The following BSPH1 variants were observed in gnomAD, a reference collection of about 807,000 sequenced individuals.
BSPH1 encodes binder of sperm protein homolog 1, also known as binder of sperm 1.
A neutral mutation model predicts 22.5 loss-of-function variants in BSPH1; 21 were observed. The ratio of observed to expected loss-of-function variants is 0.93; its 90% CI spans 0.66 to 1.35. The LOEUF (loss-of-function observed/expected upper bound fraction) is 1.35. Ranked by LOEUF, BSPH1 falls within the 40% of genes most tolerant of loss-of-function variation. The pLI, the probability that BSPH1 is intolerant of heterozygous loss-of-function variation, is 0.00. For missense variants in BSPH1, 141 were observed against 154.2 expected, an observed-to-expected ratio of 0.91 and a Z score of 0.45; for synonymous variants, 42 against 53.6, an observed-to-expected ratio of 0.78 and a Z score of 0.95.
chr19:47,977,620 A>G (rs1334519480), intron 3 of BSPH1, 116 bp from the exon 4 acceptor site: 1 of 1,467,020 alleles, frequency 6.8e-7, no homozygotes, highest in Non-Finnish European at 9.0e-7. Flanking sequence ...CTGTGGCTGT[A>G]GTAAATGTTA....
intron 1 of BSPH1, among the ~76,000 whole-genome samples, chr19:47,990,118 C>CAAAAAAAAAAAAA (rs11329791): frequency 1.0e-5 from 1 of 99,648 alleles, no homozygotes; most frequent in Non-Finnish European, 2.0e-5. Context: ...GACTCCATCT[C>CAAAAAAAAAAAAA]AAAAAAAAAA....
intron 5 of BSPH1, among the ~76,000 whole-genome samples, chr19:47,973,727 G>C (rs1969333692): frequency 6.6e-6 from 1 of 152,164 alleles, no homozygotes; most frequent in African/African-American, 2.4e-5. Context: ...TACACGCGGG[G>C]AGGGCGCCAT....
chr19:47,974,678 C>T (rs969921203), intron 5 of BSPH1, among the ~76,000 whole-genome samples: 9 of 151,988 alleles, frequency 5.9e-5, no homozygotes, highest in East Asian at 1.9e-4. Context: ...TGCTCTCCCA[C>T]GCTCTCAATT....
intron 5 of BSPH1, among the ~76,000 whole-genome samples, chr19:47,969,697 GAGAGAGAGA>G (rs1969292399): frequency 1.4e-5 from 2 of 146,778 alleles, no homozygotes; most frequent in Admixed American, 1.4e-4. Flanking sequence ...GAGAGAGAGA[GAGAGAGAGA>G]GAGAGAGAGA....
intron 5 of BSPH1, among the ~76,000 whole-genome samples, chr19:47,970,341 G>A (rs1171094594): frequency 1.3e-5 from 2 of 152,208 alleles, no homozygotes; most frequent in Admixed American, 6.5e-5. Flanking sequence ...TCACAGGCAT[G>A]AACGACTGCG....
At position 47,969,922 on chromosome 19, in the gene BSPH1, TGAGA is replaced by T. The variant is rs1034019912; in HGVS notation, c.*3-1717_*3-1714del. Among the ~76,000 whole-genome samples, 7 of 149,976 alleles carry T rather than the reference TGAGA, an allele frequency of 4.7e-5. 1 individual carries two copies. The highest frequency in any genetic ancestry group is 7.5e-5 in the African/African-American group (3 of 39,788). On this transcript the variant is annotated intron_variant, in intron 5 of 5. Transcript: ENST00000344839. ...AGAGAGACTTTAGAATTTATGTTTG[TGAGA>T]GAGAGACTTTAGAATTTATGTTTCT...
chr19:47,989,500 A>T (rs1037238155), intron 1 of BSPH1, among the ~76,000 whole-genome samples: 9 of 151,886 alleles, frequency 5.9e-5, no homozygotes, highest in African/African-American at 1.7e-4. Flanking sequence ...ATGAGGAGGA[A>T]CCATAGCTGA....
intron 1 of BSPH1, among the ~76,000 whole-genome samples, chr19:47,991,782 C>A (rs115140210): frequency 1.0e-5 from 1 of 99,168 alleles, no homozygotes; most frequent in Non-Finnish European, 2.2e-5. Context: ...CCTCCTCCCC[C>A]CTTCTCCCCC....
At chr19:47,991,291 C>T (rs1022204659) in intron 1 of BSPH1, among the ~76,000 whole-genome samples, 2 of 152,062 alleles carry the variant, frequency 1.3e-5, no homozygotes, top group Admixed American at 6.5e-5. Flanking sequence ...CACTCGTGGT[C>T]GACCAGCTGA....
At chr19:47,979,435 A>G in intron 3 of BSPH1, 135 bp downstream of exon 3, 2 of 526,910 alleles carry the variant, frequency 3.8e-6, no homozygotes, top group Non-Finnish European at 6.8e-6. Context: ...TTATCTGTTT[A>G]TGAGGCACTT....
chr19:47,976,396 C>G (rs187429857), intron 5 of BSPH1, among the ~76,000 whole-genome samples: 5 of 152,000 alleles, frequency 3.3e-5, no homozygotes, highest in Admixed American at 3.3e-4. Context: ...CCTCCCAAAG[C>G]GCTGGGATTA....
intron 1 of BSPH1, among the ~76,000 whole-genome samples, chr19:47,989,274 T>C (rs1242880400): frequency 1.3e-5 from 2 of 151,718 alleles, no homozygotes; most frequent in East Asian, 3.9e-4. Flanking sequence ...GCCTCCTGAG[T>C]AGCTGGGATT....
chr19:47,980,098 G>C (rs1186232787), intron 2 of BSPH1, among the ~76,000 whole-genome samples: 1 of 151,986 alleles, frequency 6.6e-6, no homozygotes, highest in Non-Finnish European at 1.5e-5. Flanking sequence ...ACTTATGTTA[G>C]AACCTAAAAT....
chr19:47,983,462 T>C (rs6509354), intron 1 of BSPH1, among the ~76,000 whole-genome samples: 104,049 of 151,998 alleles, frequency 0.68, 36,096 homozygotes, highest in African/African-American at 0.79. Flanking sequence ...TACAGACGAG[T>C]GATTCCAACA....
chr19:47,983,535 A>ATTG (rs1969438811), intron 1 of BSPH1, among the ~76,000 whole-genome samples: 16 of 152,184 alleles, frequency 1.1e-4, no homozygotes, highest in African/African-American at 3.9e-4. Context: ...TCAGAATGCA[A>ATTG]CATCCCCATA....
At chr19:47,986,632 C>A (rs1969473655) in intron 1 of BSPH1, among the ~76,000 whole-genome samples, 1 of 151,962 alleles carries the variant, frequency 6.6e-6, no homozygotes, top group Non-Finnish European at 1.5e-5. Flanking sequence ...GTAGTCCCAG[C>A]TACTTGGGAG....
intron 4 of BSPH1, 52 bp from the exon 5 acceptor site, chr19:47,976,906 C>T: frequency 1.3e-6 from 2 of 1,509,574 alleles, no homozygotes; most frequent in South Asian, 2.4e-5. Flanking sequence ...CTAATTTGCA[C>T]CCACCTCCAC....
intron 1 of BSPH1, 101 bp downstream of exon 1, chr19:47,991,908 T>G (rs956903323): frequency 1.4e-6 from 1 of 707,924 alleles, no homozygotes; most frequent in Non-Finnish European, 2.4e-6. Context: ...CTCCTCTTCT[T>G]TCATCTTTCA....
In BSPH1 at chr19:47,979,562, C is replaced by A. The variant is rs560212743; in HGVS notation, c.124+8G>T. 5.6e-5 allele frequency: 73 copies of A among 1,306,424 alleles called. No individual in the cohort carries two copies. Among genetic ancestry groups the A allele is most frequent in the Non-Finnish European group, 6.4e-5 (62 of 962,452 alleles). The allele number at this position is 1,306,424 out of a possible 1,614,324, so 80.9% of individuals were successfully genotyped here. On this transcript the variant is annotated splice_region_variant and intron_variant, in intron 3 of 5. Transcript: ENST00000344839. ...ACATTAATAATCAAAGTTTTCTGAT[C>A]GACTTACCTGTAACTTCTGGAAAAT...
Sources: gnomAD v4.1 joint callset for allele counts (sites outside exome capture counted in the v4.1 genomes callset) on GRCh38, gnomAD v4.1.1 for gene constraint, MANE v1.5 for transcripts, NCBI Gene and HGNC (gene_info 2026-07-23, HGNC 2026-07-21) for gene names.